Variants in IL1RAPL1 observed in about 807,000 individuals in gnomAD.
IL1RAPL1 encodes the protein interleukin 1 receptor accessory protein like 1, also known as interleukin-1 receptor accessory protein-like 1.
A neutral mutation model predicts 48.4 loss-of-function variants in IL1RAPL1; 3 were observed. That is an observed-to-expected ratio of 0.06 (90% CI 0.03 to 0.16). The LOEUF is 0.16. Among genes scored for constraint, IL1RAPL1 ranks in the 10% least tolerant of loss-of-function variants. IL1RAPL1 has a pLI of 1.00. For synonymous variants in IL1RAPL1, 185 were observed against 187.7 expected, an observed-to-expected ratio of 0.99 and a Z score of 0.12; for missense variants, 349 against 530.6, an observed-to-expected ratio of 0.66 and a Z score of 3.36.
At position 28,615,013 on chromosome X, in the gene IL1RAPL1, G is replaced by A. The variant is rs969149099; in HGVS notation, c.-25+26966G>A. ...ACTCCATTCTTCTGCCTCAGCCTCC[G>A]GAGTAGCTGGGACTACAGGTGCCCG... On this transcript the variant is annotated intron_variant, in intron 1 of 10. Coordinates refer to ENST00000378993, the MANE Select transcript of IL1RAPL1 (RefSeq NM_014271.4). Among the ~76,000 whole-genome samples, 12 of 109,523 alleles carry A rather than the reference G, an allele frequency of 1.1e-4. No homozygotes were observed. The East Asian group carries it at 2.6e-3, about 24-fold the overall frequency.
At chrX:29,203,687 C>G (rs1930602397) in intron 2 of IL1RAPL1, among the ~76,000 whole-genome samples, 1 of 102,562 alleles carries the variant, frequency 9.8e-6, no homozygotes, top group African/African-American at 3.7e-5. Flanking sequence ...CCATTGCACT[C>G]CGGCCTGGGC....
rs183372945 is a variant in IL1RAPL1 at position 29,870,983 on chromosome X, A to C, written c.779-46481A>C. Among the ~76,000 whole-genome samples the C allele has an allele frequency of 1.9e-3, 210 of 112,644 alleles. 1 individual carries two copies. Among genetic ancestry groups the C allele is most frequent in the African/African-American group, 6.5e-3 (202 of 31,073 alleles). ...TTAGAAGTCTGACATGGGTCTTACT[A>C]GAACAAACTCAAGGTGAGGCTGAAC... On this transcript the variant is annotated intron_variant, in intron 6 of 10. Coordinates refer to ENST00000378993, the MANE Select transcript of IL1RAPL1 (RefSeq NM_014271.4).
chrX:29,392,031 A>G (rs1018887454), intron 3 of IL1RAPL1, among the ~76,000 whole-genome samples: 1 of 111,937 alleles, frequency 8.9e-6, no homozygotes, highest in Non-Finnish European at 1.9e-5. Context: ...CTTGCCAGAG[A>G]CAACTAGATT....
intron 5 of IL1RAPL1, among the ~76,000 whole-genome samples, chrX:29,571,315 TA>T (rs1283121377): frequency 9.0e-6 from 1 of 111,491 alleles, no homozygotes; most frequent in Non-Finnish European, 1.9e-5. Context: ...CTGTAACCAT[TA>T]AAATTAAAAT....
intron 2 of IL1RAPL1, among the ~76,000 whole-genome samples, chrX:28,966,551 T>C (rs1230990522): frequency 3.6e-5 from 4 of 111,871 alleles, no homozygotes; most frequent in Non-Finnish European, 7.5e-5. Flanking sequence ...GTTGTTGCTT[T>C]TGGTTTCAGT....
chrX:29,366,629 C>T (rs1033048693), intron 3 of IL1RAPL1, among the ~76,000 whole-genome samples: 2 of 83,013 alleles, frequency 2.4e-5, no homozygotes, highest in South Asian at 8.6e-4. Flanking sequence ...AGTGCAGTGG[C>T]GCGATCTCGG....
intron 1 of IL1RAPL1, among the ~76,000 whole-genome samples, chrX:28,737,142 C>T (rs868769265): frequency 9.9e-5 from 3 of 30,222 alleles, no homozygotes; most frequent in African/African-American, 2.2e-4. Context: ...TCCTTCCTTC[C>T]TTCCTTCCTT....
At chrX:28,738,994 A>G (rs1197558026) in intron 1 of IL1RAPL1, among the ~76,000 whole-genome samples, 2 of 110,549 alleles carry the variant, frequency 1.8e-5, no homozygotes, top group Non-Finnish European at 3.8e-5. Flanking sequence ...TCAATTTAAT[A>G]CCCTTTGGTG....
intron 5 of IL1RAPL1, among the ~76,000 whole-genome samples, chrX:29,512,189 G>T (rs1935400564): frequency 9.1e-6 from 1 of 110,164 alleles, no homozygotes; most frequent in Non-Finnish European, 1.9e-5. Flanking sequence ...ACATGTAATG[G>T]TGTACCTTAT....
intron 3 of IL1RAPL1, among the ~76,000 whole-genome samples, chrX:29,374,286 CTTTTTTTTT>C (rs747182215): frequency 7.1e-3 from 34 of 4,763 alleles, no homozygotes; most frequent in Admixed American, 0.018. Context: ...TGGTTGGTTG[CTTTTTTTTT>C]TTTTTTTTTT....
intron 2 of IL1RAPL1, among the ~76,000 whole-genome samples, chrX:29,212,497 C>T (rs921340277): frequency 1.7e-4 from 19 of 110,853 alleles, no homozygotes; most frequent in Non-Finnish European, 3.2e-4. Flanking sequence ...TAAGTAGAGA[C>T]GGGGTTTCTG....
At chrX:28,705,329 C>A (rs973451526) in intron 1 of IL1RAPL1, among the ~76,000 whole-genome samples, 5 of 110,998 alleles carry the variant, frequency 4.5e-5, no homozygotes, top group Non-Finnish European at 7.6e-5. Context: ...AAATTCTAAC[C>A]ATAAAAAAAG....
chrX:28,767,637 G>A (rs180879444), intron 1 of IL1RAPL1, among the ~76,000 whole-genome samples: 8 of 110,526 alleles, frequency 7.2e-5, no homozygotes, highest in Admixed American at 6.7e-4. Context: ...GTATGTGCAT[G>A]TGCGTGTGTG....
chrX:29,263,026 A>AT (rs1479165145), intron 2 of IL1RAPL1, among the ~76,000 whole-genome samples: 4 of 111,490 alleles, frequency 3.6e-5, no homozygotes, highest in Non-Finnish European at 7.5e-5. Flanking sequence ...TAGAGATGTT[A>AT]TTTTTTTTCT....
intron 5 of IL1RAPL1, among the ~76,000 whole-genome samples, chrX:29,565,953 TG>T (rs1922385639): frequency 1.8e-5 from 2 of 110,947 alleles, no homozygotes; most frequent in African/African-American, 6.6e-5. Context: ...TTTTTGTTGT[TG>T]TTTTTTTTTT....
At chrX:28,834,098 C>G (rs927335111) in intron 2 of IL1RAPL1, among the ~76,000 whole-genome samples, 1 of 111,295 alleles carries the variant, frequency 9.0e-6, no homozygotes. Flanking sequence ...AACTCACATC[C>G]TGATTAAAAG....
chrX:29,354,772 A>G (rs1249378893), intron 3 of IL1RAPL1, among the ~76,000 whole-genome samples: 1 of 112,618 alleles, frequency 8.9e-6, no homozygotes, highest in Non-Finnish European at 1.9e-5. Context: ...CTTGTAGGGA[A>G]GGGAAAAGTG....
chrX:28,943,405 A>G lies in IL1RAPL1; in HGVS notation c.82+153980A>G, dbSNP rs1337612780. Among the ~76,000 whole-genome samples, 3 of 110,178 alleles carry G rather than the reference A, an allele frequency of 2.7e-5. No homozygotes were observed. The Admixed American group carries it at 2.9e-4, about 11-fold the overall frequency. ...GTTGATGAGGACAATATGGTTATGA[A>G]CATAAGAATAATCTATCAGTAATGT... On this transcript the variant is annotated intron_variant, in intron 2 of 10. Transcript: ENST00000378993.
At chrX:29,643,772 T>C (rs1429045876) in intron 5 of IL1RAPL1, among the ~76,000 whole-genome samples, 1 of 111,593 alleles carries the variant, frequency 9.0e-6, no homozygotes, top group Non-Finnish European at 1.9e-5. Flanking sequence ...CTGCTCCCTC[T>C]TTCTGGAATG....
Sources: gnomAD v4.1 joint callset for allele counts (sites outside exome capture counted in the v4.1 genomes callset) on GRCh38, gnomAD v4.1.1 for gene constraint, MANE v1.5 for transcripts, NCBI Gene and HGNC (gene_info 2026-07-23, HGNC 2026-07-21) for gene names.